Variants in ANTXR1 observed in about 807,000 individuals in gnomAD.
The protein encoded by ANTXR1 is ANTXR cell adhesion molecule 1.
A neutral mutation model predicts 78.1 loss-of-function variants in ANTXR1; 19 were observed. That is an observed-to-expected ratio of 0.24 (90% confidence interval 0.17 to 0.36). The LOEUF (loss-of-function observed/expected upper bound fraction) is 0.36, where lower values mean the gene tolerates loss of function less well. Among genes scored for constraint, ANTXR1 ranks in the 10% least tolerant of loss-of-function variants. The pLI is 1.00. For synonymous variants in ANTXR1, 273 were observed against 260.5 expected, an observed-to-expected ratio of 1.05 and a Z score of -0.46; for missense variants, 518 against 718.6, an observed-to-expected ratio of 0.72 and a Z score of 3.19.
intron 3 of ANTXR1, among the ~76,000 whole-genome samples, chr2:69,063,996 G>A (rs568022031): frequency 9.2e-5 from 14 of 151,768 alleles, no homozygotes; most frequent in African/African-American, 3.4e-4. Flanking sequence ...TAGGAAAGGA[G>A]AAAGAAACAA....
At chr2:69,129,927 G>A (rs1041460997) in intron 12 of ANTXR1, among the ~76,000 whole-genome samples, 4 of 152,172 alleles carry the variant, frequency 2.6e-5, no homozygotes, top group African/African-American at 9.7e-5. Flanking sequence ...GTGAAGAAGT[G>A]GGACGAGGCC....
intron 3 of ANTXR1, among the ~76,000 whole-genome samples, chr2:69,058,032 G>A (rs1421757449): frequency 6.6e-6 from 1 of 152,242 alleles, no homozygotes; most frequent in African/African-American, 2.4e-5. Context: ...AGAAGGCTGA[G>A]AGAGGGGAGG....
At position 69,013,532 on chromosome 2, in the gene ANTXR1, C is replaced by T. The variant is rs749787244; in HGVS notation, c.33C>T (p.Ile11=). The T allele has an allele frequency of 3.2e-6, 5 of 1,585,576 alleles. No individual in the cohort carries two copies. Among genetic ancestry groups the T allele is most frequent in the South Asian group, 2.3e-5 (2 of 86,280 alleles). MATAERRALG[I]GFQWLSLATL... ...CGGCGGAGCGGAGAGCCCTCGGCAT[C>T]GGCTTCCAGTGGCTCTCTTTGGCCA... Residue 11 remains isoleucine, a synonymous_variant, in exon 1 of 18, where the codon ATC becomes ATT. Transcript: ENST00000303714. The surrounding 1 kb of genome is among the most constrained non-coding windows in gnomAD (Gnocchi z 5.0).
Position 69,070,712 on chromosome 2 carries a change from A to T in ANTXR1, c.362A>T (p.His121Leu). 1 of 1,614,138 alleles carries T rather than the reference A, an allele frequency of 6.2e-7. No individual in the cohort carries two copies. Among genetic ancestry groups the T allele is most frequent in the Non-Finnish European group, 8.5e-7 (1 of 1,179,970 alleles). ...CTGCCAGGAGGAGACACTTACATGC[A>T]TGAAGGATTTGAAAGGGTAATTTTA... ...KVLPGGDTYMHEGFERASEQI... is the reference protein window; with the variant it reads ...KVLPGGDTYMLEGFERASEQI... The change falls in exon 4 of 18, where the codon CAT becomes CTT. Residue 121 changes from histidine (H) to leucine (L), a missense_variant. Transcript: ENST00000303714.
chr2:69,084,948 G>A (rs1474515477), intron 8 of ANTXR1, among the ~76,000 whole-genome samples: 1 of 150,358 alleles, frequency 6.7e-6, no homozygotes, highest in Non-Finnish European at 1.5e-5. Flanking sequence ...TGCCTCCCAG[G>A]TTCACACCAT....
At chr2:69,091,334 G>A (rs189426265) in intron 9 of ANTXR1, among the ~76,000 whole-genome samples, 47 of 151,194 alleles carry the variant, frequency 3.1e-4, no homozygotes, top group Non-Finnish European at 5.2e-4. Flanking sequence ...CCAGCTACTC[G>A]GGAGGCTGAG....
At chr2:69,065,504 C>T (rs1670372129) in intron 3 of ANTXR1, among the ~76,000 whole-genome samples, 1 of 149,740 alleles carries the variant, frequency 6.7e-6, no homozygotes, top group South Asian at 2.1e-4. Flanking sequence ...GGGAATATTA[C>T]TACAGATCCT....
At chr2:69,229,496 G>T (rs1675536587) in intron 17 of ANTXR1, among the ~76,000 whole-genome samples, 1 of 152,086 alleles carries the variant, frequency 6.6e-6, no homozygotes, top group South Asian at 2.1e-4. Flanking sequence ...AAAAATCTTA[G>T]TCGGTTTATC....
chr2:69,165,005 C>G (rs144831850), intron 13 of ANTXR1, among the ~76,000 whole-genome samples: 45 of 152,306 alleles, frequency 3.0e-4, no homozygotes, highest in African/African-American at 9.9e-4. Context: ...AGGAAATAAG[C>G]TAATTCACAG....
At chr2:69,182,452 A>G in intron 15 of ANTXR1, 41 bp from the exon 16 acceptor site, 1 of 1,610,056 alleles carries the variant, frequency 6.2e-7, no homozygotes. Flanking sequence ...GAGGGGCAGC[A>G]TATTTTGTCA....
At chr2:69,147,381 A>G (rs1403868382) in intron 12 of ANTXR1, among the ~76,000 whole-genome samples, 1 of 152,244 alleles carries the variant, frequency 6.6e-6, no homozygotes, top group Non-Finnish European at 1.5e-5. Context: ...TTAGCTGTTA[A>G]TCCCCCTTCA....
intron 3 of ANTXR1, among the ~76,000 whole-genome samples, chr2:69,064,777 A>C (rs1670345255): frequency 6.6e-6 from 1 of 152,256 alleles, no homozygotes; most frequent in Non-Finnish European, 1.5e-5. Flanking sequence ...CTGTGTGTCA[A>C]AGACAATCCA....
At chr2:69,182,948 G>A (rs1558628386) in intron 16 of ANTXR1, 1 of 399,132 alleles carries the variant, frequency 2.5e-6, no homozygotes, top group South Asian at 3.1e-5. Flanking sequence ...CCTGGGCAAG[G>A]ATGACATGCA....
At chr2:69,033,244 T>C (rs761352340) in intron 1 of ANTXR1, among the ~76,000 whole-genome samples, 3 of 151,938 alleles carry the variant, frequency 2.0e-5, no homozygotes, top group Non-Finnish European at 4.4e-5. Context: ...GAAGTTGGAG[T>C]GGAGGCAAAA....
Position 69,170,238 on chromosome 2 carries a change from T to G in ANTXR1, c.1048-10T>G. ...ATTTTTCACTGACCTGTTCTCTGTT[T>G]TCTTTTCAGATTATCAAGGAGGTCC... On this transcript the variant is annotated splice_polypyrimidine_tract_variant and intron_variant, in intron 13 of 17. Transcript: ENST00000303714. The G allele has an allele frequency of 6.2e-7, 1 of 1,614,188 alleles. No individual in the cohort carries two copies. The highest frequency in any genetic ancestry group is 8.5e-7 in the Non-Finnish European group (1 of 1,180,004).
At position 69,239,878 on chromosome 2, in the gene ANTXR1, C is replaced by T. The variant is rs118126732; in HGVS notation, c.1435-5347C>T. On this transcript the variant is annotated intron_variant, in intron 17 of 17. Coordinates refer to ENST00000303714, the MANE Select transcript of ANTXR1 (RefSeq NM_032208.3). ...TTCATCCTGACCATTTCATCATAAC[C>T]ATTTCAGAATATGTCACCTCCAATT... Among the ~76,000 whole-genome samples, 49 of 152,348 alleles carry T rather than the reference C, an allele frequency of 3.2e-4. 1 individual carries two copies. The East Asian group carries it at 8.7e-3, about 27-fold the overall frequency.
chr2:69,204,709 T>A (rs1340742636), intron 17 of ANTXR1, among the ~76,000 whole-genome samples: 3 of 152,162 alleles, frequency 2.0e-5, no homozygotes, highest in African/African-American at 7.2e-5. Flanking sequence ...CTCAGCCTTA[T>A]CTCTTGAGGA....
rs76865524 is a variant in ANTXR1, at chr2:69,234,895, C to A, written c.1435-10330C>A. On this transcript the variant is annotated intron_variant, in intron 17 of 17. Coordinates refer to ENST00000303714, the MANE Select transcript of ANTXR1 (RefSeq NM_032208.3). ...TTGTCCAAGATAACACAGTAAGTTG[C>A]AGAACCAGATCTCTTGAATCCTAGT... Among the ~76,000 whole-genome samples, 562 of 151,168 alleles carry A rather than the reference C, an allele frequency of 3.7e-3. 4 individuals carry two copies. The highest frequency in any genetic ancestry group is 0.013 in the African/African-American group (523 of 41,166).
chr2:69,155,291 C>T, intron 13 of ANTXR1, among the ~76,000 whole-genome samples: 1 of 152,184 alleles, frequency 6.6e-6, no homozygotes, highest in Non-Finnish European at 1.5e-5. Context: ...GCCAGGTGGA[C>T]CTCTGGCTTT....
Sources: allele counts gnomAD v4.1 joint callset (sites outside exome capture counted in the v4.1 genomes callset), GRCh38; gene constraint gnomAD v4.1.1; non-coding constraint Gnocchi (gnomAD v3.1); transcripts MANE v1.5; gene names NCBI Gene and HGNC (gene_info 2026-07-23, HGNC 2026-07-21).